KLF13: variants seen among roughly 807,000 people sequenced by gnomAD.
The protein encoded by KLF13 is KLF transcription factor 13, also known as Krueppel-like factor 13.
A neutral mutation model predicts 16.7 loss-of-function variants in KLF13; 8 were observed. That is an observed-to-expected ratio of 0.48 (90% CI 0.28 to 0.87). The LOEUF (loss-of-function observed/expected upper bound fraction) is 0.87. Ranked by LOEUF, KLF13 falls within the 40% of genes least tolerant of loss-of-function variation. KLF13 has a pLI of 0.10. For synonymous variants in KLF13, 245 were observed against 208.4 expected, an observed-to-expected ratio of 1.18 and a Z score of -1.51; for missense variants, 447 against 452.2, an observed-to-expected ratio of 0.99 and a Z score of 0.10.
chr15:31,423,174 T>C lies in KLF13; in HGVS notation n.118-12196T>C, dbSNP rs867837365. ...ATATACGTATATATATGTATATATA[T>C]ACATATATACGTATATATATATATC... On this transcript the variant is annotated intron_variant and non_coding_transcript_variant, in intron 1 of 1. Transcript: ENST00000558225. Among the ~76,000 whole-genome samples, 515 of 57,026 alleles carry C rather than the reference T, an allele frequency of 9.0e-3. 20 individuals carry two copies. Among genetic ancestry groups the C allele is most frequent in the Non-Finnish European group, 0.012 (367 of 31,756 alleles). The allele number at this position is 57,026 out of a possible 152,430, so 37.4% of individuals were successfully genotyped here.
chr15:31,327,121 C>G lies in KLF13; in HGVS notation c.-92C>G. 1.8e-6 allele frequency: 2 copies of G among 1,112,854 alleles called. No individual in the cohort carries two copies. The highest frequency in any genetic ancestry group is 2.2e-6 in the Non-Finnish European group (2 of 894,918). 68.9% of individuals were successfully genotyped at this position (1,112,854 alleles called of 1,614,324 possible). The stretch of plus-strand genomic sequence containing the variant: ...GCCCGAGGAGAGGGCGCGCCGCGCC[C>G]CCGCCCCCCGCCCGCTCTCCCGAGG... On this transcript the variant is annotated 5_prime_UTR_variant, in exon 1 of 2. Coordinates refer to ENST00000307145, the MANE Select transcript of KLF13 (RefSeq NM_015995.4).
intron 1 of KLF13, among the ~76,000 whole-genome samples, chr15:31,356,786 A>T (rs753505701): frequency 2.6e-5 from 4 of 151,674 alleles, no homozygotes; most frequent in African/African-American, 9.7e-5. Flanking sequence ...GGCTGTGTGC[A>T]CCTCCCGGTC....
chr15:31,336,903 C>A (rs552562560), intron 1 of KLF13, among the ~76,000 whole-genome samples: 10 of 152,140 alleles, frequency 6.6e-5, no homozygotes, highest in African/African-American at 2.2e-4. Flanking sequence ...CAACAAACCC[C>A]AACACATTTT....
chr15:31,407,039 G>A (rs976848803), downstream of KLF13, among the ~76,000 whole-genome samples: 3 of 152,142 alleles, frequency 2.0e-5, no homozygotes, highest in African/African-American at 7.2e-5. Flanking sequence ...TAGGTTCCAG[G>A]GATTAGGATG....
chr15:31,362,688 A>G (rs1435927091), intron 1 of KLF13, among the ~76,000 whole-genome samples: 1 of 152,198 alleles, frequency 6.6e-6, no homozygotes, highest in Admixed American at 6.5e-5. Flanking sequence ...TTCCCCAGGG[A>G]AAATTCTGTC....
rs568397428 is a variant in KLF13 at position 31,398,918 on chromosome 15, G to T, written n.530-4510G>T. Reference sequence around the variant, plus strand: ...CCTTTGATCTGCCCCACTGGGCGGGGCTGTGTCATCTACTGGGTTTTCCCT... The same window carrying T: ...CCTTTGATCTGCCCCACTGGGCGGGTCTGTGTCATCTACTGGGTTTTCCCT... On this transcript the variant is annotated intron_variant and non_coding_transcript_variant, in intron 2 of 2. Coordinates refer to the KLF13 transcript ENST00000500533. Among the ~76,000 whole-genome samples, 4 of 152,298 alleles carry T rather than the reference G, an allele frequency of 2.6e-5. No individual in the cohort carries two copies. The South Asian group carries it at 6.2e-4, about 24-fold the overall frequency.
chr15:31,424,875 T>TCACACACACACACACACACACACACA (rs71110875), intron 1 of KLF13, among the ~76,000 whole-genome samples: 32 of 146,312 alleles, frequency 2.2e-4, no homozygotes, highest in African/African-American at 7.9e-4. Flanking sequence ...TCTAGAGATT[T>TCACACACACACACACACACACACACA]CACACACACA....
chr15:31,431,710 C>T (rs545165164), intron 1 of KLF13, among the ~76,000 whole-genome samples: 15 of 152,290 alleles, frequency 9.8e-5, no homozygotes, highest in South Asian at 4.1e-4. Flanking sequence ...GTGATCCTCC[C>T]GCCTCGGCCT....
At chr15:31,415,816 A>ATCCC (rs2141004639) in intron 1 of KLF13, among the ~76,000 whole-genome samples, 1 of 152,192 alleles carries the variant, frequency 6.6e-6, no homozygotes, top group South Asian at 2.1e-4. Flanking sequence ...AAAAAACAAT[A>ATCCC]GATGGACAAT....
Position 31,327,571 on chromosome 15 carries a change from C to A in KLF13, c.359C>A (p.Pro120Gln). ...GGCGCGGCGGCCGCGCCCCCCAGCC[C>A]GGCGTGGAGCGAGCCGGAGCCCGAG... Reference protein sequence around the residue: ...AEGAAAAPPSPAWSEPEPEAG... With the variant: ...AEGAAAAPPSQAWSEPEPEAG... The change falls in exon 1 of 2, where the codon CCG (proline) becomes CAG (glutamine). Residue 120 changes from proline (P) to glutamine (Q), a missense_variant. Pro to Gln is a moderately conservative substitution (Grantham distance 76, BLOSUM62 -1). Coordinates refer to ENST00000307145, the MANE Select transcript of KLF13 (RefSeq NM_015995.4). 1 of 1,157,802 alleles carries A rather than the reference C, an allele frequency of 8.6e-7. No individual in the cohort carries two copies. The highest frequency in any genetic ancestry group is 1.1e-6 in the Non-Finnish European group (1 of 935,394). The allele number at this position is 1,157,802 out of a possible 1,614,324, so 71.7% of individuals were successfully genotyped here. A position where few individuals can be genotyped will look rare whatever the true frequency, so the allele number is the denominator to read the frequency against.
downstream of KLF13, among the ~76,000 whole-genome samples, chr15:31,406,556 G>C (rs1196511108): frequency 6.6e-6 from 1 of 152,188 alleles, no homozygotes; most frequent in Non-Finnish European, 1.5e-5. Flanking sequence ...GGGAAGTGCA[G>C]TGTAACCAAT....
At chr15:31,338,064 T>C (rs774788072) in intron 1 of KLF13, among the ~76,000 whole-genome samples, 3 of 152,244 alleles carry the variant, frequency 2.0e-5, no homozygotes, top group Non-Finnish European at 2.9e-5. Flanking sequence ...AATACAGCCT[T>C]GGCTACTTAT....
intron 1 of KLF13, among the ~76,000 whole-genome samples, chr15:31,340,753 A>G (rs1595456924): frequency 6.6e-6 from 1 of 152,116 alleles, no homozygotes; most frequent in Non-Finnish European, 1.5e-5. Context: ...CACCTGTACC[A>G]GCTGCTCAGG....
intron 1 of KLF13, among the ~76,000 whole-genome samples, chr15:31,330,342 C>G (rs2038805952): frequency 1.3e-5 from 2 of 152,186 alleles, no homozygotes; most frequent in South Asian, 4.1e-4. Flanking sequence ...AAGGTGCCCC[C>G]GCCCCACTTC....
chr15:31,340,745 C>A (rs2039008187), intron 1 of KLF13, among the ~76,000 whole-genome samples: 1 of 152,086 alleles, frequency 6.6e-6, no homozygotes, highest in Non-Finnish European at 1.5e-5. Flanking sequence ...GGTGCACACA[C>A]CTGTACCAGC....
intron 1 of KLF13, among the ~76,000 whole-genome samples, chr15:31,340,474 T>C (rs1210531934): frequency 6.6e-6 from 1 of 152,220 alleles, no homozygotes; most frequent in Non-Finnish European, 1.5e-5. Context: ...ACCTGGGTGC[T>C]CAGTTCCTTT....
intron 1 of KLF13, among the ~76,000 whole-genome samples, chr15:31,350,389 C>G (rs1566811890): frequency 6.6e-6 from 1 of 152,246 alleles, no homozygotes; most frequent in Admixed American, 6.5e-5. Context: ...ACAATGGTCT[C>G]TCAGCTGAGC....
chr15:31,327,764 CA>C lies in KLF13; in HGVS notation c.554del (p.Lys185ArgfsTer4). 3 of 1,530,850 alleles carry C rather than the reference CA, an allele frequency of 2.0e-6. No homozygotes were observed. Among genetic ancestry groups the C allele is most frequent in the South Asian group, 1.2e-5 (1 of 86,146 alleles). The allele number at this position is 1,530,850 out of a possible 1,614,324, so 94.8% of individuals were successfully genotyped here. On this transcript the variant is annotated frameshift_variant, in exon 1 of 2. Transcript: ENST00000307145. LOFTEE classifies it high-confidence loss of function. The stretch of plus-strand genomic sequence containing the variant: ...AAGTTTACGGGAAATCTTCGCACCT[CA>C]AGGCGCACCTGAGAACTCACACAGG... The part of the protein sequence containing the change: ...EKVYGKSSHL[K>X]AHLRTHTGER...
chr15:31,368,237 G>A (rs763352882), intron 1 of KLF13, among the ~76,000 whole-genome samples: 6 of 152,150 alleles, frequency 3.9e-5, no homozygotes, highest in Non-Finnish European at 8.8e-5. Flanking sequence ...GAGCTTTTTC[G>A]AGGCCATAGC....
Sources: allele counts gnomAD v4.1 joint callset (sites outside exome capture counted in the v4.1 genomes callset), GRCh38; gene constraint gnomAD v4.1.1; transcripts MANE v1.5; gene names NCBI Gene and HGNC (gene_info 2026-07-23, HGNC 2026-07-21).